HAUS2: variants seen among roughly 807,000 people sequenced by gnomAD.
The protein encoded by HAUS2 is HAUS augmin-like complex subunit 2.
In HAUS2, 20 loss-of-function variants were observed where a neutral mutation model predicts 21.6. The ratio of observed to expected loss-of-function variants is 0.93; its 90% CI spans 0.65 to 1.35. The LOEUF is 1.35. Ranked by LOEUF, HAUS2 falls within the 40% of genes most tolerant of loss-of-function variation. The pLI is 0.00. For missense variants in HAUS2, 297 were observed against 280.7 expected (o/e 1.06, Z -0.42); for synonymous variants, 113 against 95.6 (o/e 1.18, Z -1.06).
chr15:42,552,786 T>C (rs912865607), intron 1 of HAUS2, among the ~76,000 whole-genome samples: 2 of 152,156 alleles, frequency 1.3e-5, no homozygotes, highest in Non-Finnish European at 2.9e-5. Context: ...AATTCTGTTT[T>C]CTTAACTTGT....
intron 1 of HAUS2, among the ~76,000 whole-genome samples, chr15:42,557,970 GTTGT>G (rs1032073150): frequency 1.8e-4 from 28 of 151,962 alleles, no homozygotes; most frequent in Non-Finnish European, 3.1e-4. Context: ...AAGGGAGTGT[GTTGT>G]TTGTTTCTCT....
At chr15:42,559,693 A>G (rs888826361) in intron 3 of HAUS2, among the ~76,000 whole-genome samples, 2 of 152,198 alleles carry the variant, frequency 1.3e-5, no homozygotes, top group Non-Finnish European at 2.9e-5. Context: ...CATGACAACT[A>G]AAGCACTGTA....
At chr15:42,563,472 G>T (rs2057871021) in intron 4 of HAUS2, among the ~76,000 whole-genome samples, 1 of 150,646 alleles carries the variant, frequency 6.6e-6, no homozygotes, top group African/African-American at 2.4e-5. Flanking sequence ...GGGAGAAAAT[G>T]ATTAACATTG....
At position 42,560,826 on chromosome 15, in the gene HAUS2, G is replaced by A. The variant is rs745401485; in HGVS notation, c.257-444G>A. The A allele has an allele frequency of 4.3e-6, 3 of 702,134 alleles. No individual in the cohort carries two copies. In the South Asian group the frequency reaches 4.4e-5, roughly 10 times the overall value. 43.5% of individuals were successfully genotyped at this position (702,134 alleles called of 1,614,324 possible). On this transcript the variant is annotated intron_variant, in intron 3 of 5. Transcript: ENST00000260372. ...TGCCCAGGCTGGTCTCGAACTCATG[G>A]CCTCAATTCTCCCGTTTCAGTCTCC...
chr15:42,552,939 C>A (rs895919247), intron 1 of HAUS2, among the ~76,000 whole-genome samples: 1 of 151,156 alleles, frequency 6.6e-6, no homozygotes, highest in Non-Finnish European at 1.5e-5. Flanking sequence ...GAGTGCCCAC[C>A]AATTACAAGT....
chr15:42,549,610 C>T (rs1373996976), intron 1 of HAUS2, among the ~76,000 whole-genome samples: 1 of 151,322 alleles, frequency 6.6e-6, no homozygotes, highest in Non-Finnish European at 1.5e-5. Context: ...CCACACCCAG[C>T]TAATTTTTTT....
chr15:42,557,613 T>C (rs2057801351), intron 1 of HAUS2, among the ~76,000 whole-genome samples: 1 of 150,414 alleles, frequency 6.6e-6, no homozygotes, highest in Admixed American at 6.7e-5. Flanking sequence ...TAATACTCAA[T>C]TCTGAGATAA....
At chr15:42,552,270 C>T (rs540190823) in intron 1 of HAUS2, among the ~76,000 whole-genome samples, 15 of 152,172 alleles carry the variant, frequency 9.9e-5, no homozygotes, top group Middle Eastern at 3.4e-3. Flanking sequence ...ATGATCCACC[C>T]GCCTCGGCCT....
intron 3 of HAUS2, 25 bp from the exon 4 acceptor site, chr15:42,561,245 A>G: frequency 1.4e-6 from 2 of 1,420,236 alleles, no homozygotes; most frequent in Non-Finnish European, 2.0e-6. Context: ...TGCTAACTAT[A>G]ATTACTGTTT....
intron 1 of HAUS2, among the ~76,000 whole-genome samples, chr15:42,553,741 G>A (rs77533556): frequency 0.047 from 7,147 of 152,214 alleles, 565 homozygotes; most frequent in African/African-American, 0.16. Context: ...TTTGCCAGAT[G>A]TACAACTAAG....
chr15:42,556,330 T>A (rs1420588490), intron 1 of HAUS2, among the ~76,000 whole-genome samples: 2 of 131,498 alleles, frequency 1.5e-5, no homozygotes, highest in Non-Finnish European at 3.1e-5. Flanking sequence ...GCAGTGGCAA[T>A]CTCAGCTCAC....
rs2057792487 is a variant in HAUS2, at chr15:42,557,390, A to AC, written c.94-808_94-807insC. ...TATATATATTATATATTTTATATAT[A>AC]ATATATATTTTATATATACATTATA... On this transcript the variant is annotated intron_variant, in intron 1 of 5. Transcript: ENST00000260372. Among the ~76,000 whole-genome samples the AC allele has an allele frequency of 2.5e-5, 2 of 80,154 alleles. 1 individual carries two copies. Among genetic ancestry groups the AC allele is most frequent in the African/African-American group, 1.1e-4 (2 of 18,212 alleles). 52.6% of individuals were successfully genotyped at this position (80,154 alleles called of 152,430 possible).
At chr15:42,564,401 G>A (rs918144347) in intron 5 of HAUS2, among the ~76,000 whole-genome samples, 4 of 151,844 alleles carry the variant, frequency 2.6e-5, no homozygotes, top group Admixed American at 2.6e-4. Context: ...AACATGTGTT[G>A]GCTTCATTGT....
intron 5 of HAUS2, among the ~76,000 whole-genome samples, chr15:42,565,372 T>C (rs537091861): frequency 2.0e-5 from 3 of 149,050 alleles, no homozygotes; most frequent in East Asian, 4.0e-4. Context: ...TGTCTGAGTA[T>C]TGGGGAGCCA....
At chr15:42,564,597 C>T (rs188011516) in intron 5 of HAUS2, among the ~76,000 whole-genome samples, 1 of 152,296 alleles carries the variant, frequency 6.6e-6, no homozygotes, top group Non-Finnish European at 1.5e-5. Context: ...GGAGGAATTA[C>T]TTCCAGTTTA....
intron 2 of HAUS2, among the ~76,000 whole-genome samples, chr15:42,558,981 T>A (rs949366531): frequency 6.6e-6 from 1 of 152,020 alleles, no homozygotes; most frequent in African/African-American, 2.4e-5. Flanking sequence ...CTTTATTGGT[T>A]CAAACAGCAA....
In HAUS2 at chr15:42,558,879, G is replaced by A. The variant is rs115547686; in HGVS notation, c.187-460G>A. ...AGGCTGAGCTGGGAGGATCACTTGAGCCTAGGAAATCGGGGCTGCAGTGAG... is the reference window on the plus strand; with the variant it reads ...AGGCTGAGCTGGGAGGATCACTTGAACCTAGGAAATCGGGGCTGCAGTGAG... On this transcript the variant is annotated intron_variant, in intron 2 of 5. Coordinates refer to ENST00000260372, the MANE Select transcript of HAUS2 (RefSeq NM_018097.3). Among the ~76,000 whole-genome samples the A allele has an allele frequency of 7.5e-3, 1,137 of 151,996 alleles. 18 individuals carry two copies. Among genetic ancestry groups the A allele is most frequent in the African/African-American group, 0.024 (1,010 of 41,508 alleles).
At chr15:42,554,152 G>T (rs1021874158) in intron 1 of HAUS2, among the ~76,000 whole-genome samples, 1 of 151,938 alleles carries the variant, frequency 6.6e-6, no homozygotes, top group African/African-American at 2.4e-5. Flanking sequence ...CTTTTTAACT[G>T]TTACTGACCT....
In HAUS2 at chr15:42,566,660, A is replaced by G. The variant is rs1056012067; in HGVS notation, c.552A>G (p.Ala184=). 1 of 1,609,094 alleles carries G rather than the reference A, an allele frequency of 6.2e-7. No individual in the cohort carries two copies. The stretch of plus-strand genomic sequence containing the variant: ...TGGTGACTGAGACAGAAGAACTGGC[A>G]GAGAATATACTCAAGTGGCGTAAAC... ...DILVTETEEL[A]ENILKWRKQQ... is the part of the protein sequence containing the mutation. The change falls in exon 6 of 6, where the codon GCA becomes GCG. Residue 184 remains alanine (A), a synonymous_variant. Coordinates refer to ENST00000260372, the MANE Select transcript of HAUS2 (RefSeq NM_018097.3).
Sources: allele counts gnomAD v4.1 joint callset (sites outside exome capture counted in the v4.1 genomes callset), GRCh38; gene constraint gnomAD v4.1.1; transcripts MANE v1.5; gene names NCBI Gene and HGNC (gene_info 2026-07-23, HGNC 2026-07-21).